LRP1B: variants seen among roughly 807,000 people sequenced by gnomAD.
LRP1B encodes the protein LDL receptor related protein 1B.
In LRP1B, 217 loss-of-function variants were observed where a neutral mutation model predicts 556.6. That is an observed-to-expected ratio of 0.39 (90% CI 0.35 to 0.44). The LOEUF is 0.44. LRP1B is among the 20% of genes least tolerant of loss of function. The probability of loss-of-function intolerance (pLI) is 1.00; values close to 1 mark genes in which losing one functional copy is unlikely to be tolerated. For missense variants in LRP1B, 5,053 were observed against 5,620.8 expected (o/e 0.90, Z 3.23); for synonymous variants, 2,047 against 1,865.8 (o/e 1.10, Z -2.50).
intron 10 of LRP1B, among the ~76,000 whole-genome samples, chr2:141,051,280 T>C (rs1327623653): frequency 6.6e-6 from 1 of 152,138 alleles, no homozygotes; most frequent in Non-Finnish European, 1.5e-5. Flanking sequence ...TTACTGGCTA[T>C]ATACCCAAAG....
At chr2:142,010,554 CAAAAAA>C (rs33927334) in intron 1 of LRP1B, among the ~76,000 whole-genome samples, 3 of 60,248 alleles carry the variant, frequency 5.0e-5, no homozygotes, top group African/African-American at 6.5e-5. Context: ...GATTCTGTCT[CAAAAAA>C]AAAAAAAAAA....
chr2:141,742,158 T>C (rs1443070103), intron 2 of LRP1B, among the ~76,000 whole-genome samples: 1 of 152,152 alleles, frequency 6.6e-6, no homozygotes, highest in Non-Finnish European at 1.5e-5. Context: ...TATGTGTCTG[T>C]TTTTATGCCA....
chr2:141,308,897 C>A (rs1686702252), intron 3 of LRP1B, among the ~76,000 whole-genome samples: 2 of 151,832 alleles, frequency 1.3e-5, no homozygotes, highest in Admixed American at 1.3e-4. Context: ...ATAGTATTTG[C>A]AAGAAACTTT....
intron 66 of LRP1B, among the ~76,000 whole-genome samples, chr2:140,399,728 T>A (rs752024289): frequency 4.6e-5 from 7 of 152,164 alleles, no homozygotes; most frequent in Non-Finnish European, 8.8e-5. Flanking sequence ...AAGATCTAAG[T>A]ACCCCAATGG....
intron 3 of LRP1B, among the ~76,000 whole-genome samples, chr2:141,382,134 T>G (rs1162560111): frequency 6.6e-6 from 1 of 152,178 alleles, no homozygotes; most frequent in African/African-American, 2.4e-5. Flanking sequence ...GAAGATTTTC[T>G]CACACTAGTG....
intron 43 of LRP1B, among the ~76,000 whole-genome samples, chr2:140,573,210 A>C (rs1681395613): frequency 6.6e-6 from 1 of 151,900 alleles, no homozygotes; most frequent in Non-Finnish European, 1.5e-5. Flanking sequence ...ATCATTACAT[A>C]CTGTATACAT....
intron 2 of LRP1B, among the ~76,000 whole-genome samples, chr2:141,770,405 G>C (rs1694863913): frequency 1.3e-5 from 2 of 152,048 alleles, no homozygotes; most frequent in Admixed American, 1.3e-4. Context: ...TCTTGTATTT[G>C]ACAAATGTCA....
chr2:140,593,968 A>G (rs1682330634), intron 43 of LRP1B, among the ~76,000 whole-genome samples: 1 of 151,660 alleles, frequency 6.6e-6, no homozygotes, highest in Non-Finnish European at 1.5e-5. Context: ...ACACATGCCC[A>G]TGACACATCA....
chr2:141,553,983 CATAG>C (rs1265726366), intron 2 of LRP1B, among the ~76,000 whole-genome samples: 2 of 135,878 alleles, frequency 1.5e-5, no homozygotes, highest in Non-Finnish European at 1.5e-5. Context: ...CATTAATAGA[CATAG>C]ATATAGATTA....
intron 71 of LRP1B, among the ~76,000 whole-genome samples, chr2:140,369,779 TCTTAGGTG>T (rs946510127): frequency 6.6e-6 from 1 of 152,020 alleles, no homozygotes; most frequent in Non-Finnish European, 1.5e-5. Flanking sequence ...ATACTGTTTT[TCTTAGGTG>T]ACTACATATT....
chr2:140,835,883 C>A (rs2380898), intron 31 of LRP1B, among the ~76,000 whole-genome samples: 9,327 of 152,220 alleles, frequency 0.061, 359 homozygotes, highest in African/African-American at 0.1. Flanking sequence ...CTCCTGCGTC[C>A]ATGTGCACGT....
chr2:140,273,381 A>G (rs1573718003), intron 85 of LRP1B, among the ~76,000 whole-genome samples: 1 of 151,526 alleles, frequency 6.6e-6, no homozygotes, highest in Non-Finnish European at 1.5e-5. Flanking sequence ...ACATAGTTAT[A>G]TATCAGTCAT....
chr2:140,935,544 G>A (rs1695177943), intron 20 of LRP1B, among the ~76,000 whole-genome samples: 1 of 152,018 alleles, frequency 6.6e-6, no homozygotes, highest in Non-Finnish European at 1.5e-5. Flanking sequence ...GAGACTTGCA[G>A]GGCACCATGA....
At chr2:140,989,802 A>C in intron 16 of LRP1B, 145 bp from the exon 17 acceptor site, 1 of 662,486 alleles carries the variant, frequency 1.5e-6, no homozygotes, top group South Asian at 2.3e-5. Context: ...CTTATATTTA[A>C]TAGCAAATAC....
intron 3 of LRP1B, among the ~76,000 whole-genome samples, chr2:141,410,218 G>A (rs886448447): frequency 2.0e-5 from 3 of 151,866 alleles, no homozygotes; most frequent in East Asian, 1.9e-4. Context: ...ACTATTACAC[G>A]TCTTTTTAAT....
intron 2 of LRP1B, among the ~76,000 whole-genome samples, chr2:141,565,184 T>C (rs1470646509): frequency 1.3e-5 from 2 of 152,090 alleles, no homozygotes. Flanking sequence ...CAATGCTGCA[T>C]ACTGTGAATT....
At chr2:141,588,779 T>C (rs1237411870) in intron 2 of LRP1B, among the ~76,000 whole-genome samples, 1 of 152,200 alleles carries the variant, frequency 6.6e-6, no homozygotes, top group Non-Finnish European at 1.5e-5. Context: ...TTTAAGATGC[T>C]GTTGTAAAAT....
chr2:140,760,828 G>A (rs1688895307), intron 35 of LRP1B, among the ~76,000 whole-genome samples: 1 of 152,174 alleles, frequency 6.6e-6, no homozygotes, highest in Non-Finnish European at 1.5e-5. Context: ...GGCGGAAGTT[G>A]CAGTGAGCTG....
chr2:140,267,664 G>A (rs1008215778), intron 86 of LRP1B, among the ~76,000 whole-genome samples: 6 of 151,796 alleles, frequency 4.0e-5, no homozygotes, highest in Admixed American at 2.6e-4. Flanking sequence ...ATTTGCACTT[G>A]GTTGAACCCA....
Sources: gnomAD v4.1 joint callset for allele counts (sites outside exome capture counted in the v4.1 genomes callset) on GRCh38, gnomAD v4.1.1 for gene constraint, MANE v1.5 for transcripts, NCBI Gene and HGNC (gene_info 2026-07-23, HGNC 2026-07-21) for gene names.